STX12: variants seen among roughly 807,000 people sequenced by gnomAD.
The protein encoded by STX12 is syntaxin-12.
A neutral mutation model predicts 42.2 loss-of-function variants in STX12; 17 were observed. The observed-to-expected ratio is 0.40, with a 90% CI of 0.28 to 0.60. The LOEUF is 0.60. Ranked by LOEUF, STX12 falls within the 20% of genes least tolerant of loss-of-function variation. The pLI is 0.39. For synonymous variants in STX12, 108 were observed against 116.7 expected, an observed-to-expected ratio of 0.93 and a Z score of 0.48; for missense variants, 297 against 330.9, an observed-to-expected ratio of 0.90 and a Z score of 0.79.
At chr1:27,806,042 G>A (rs377008255) in intron 4 of STX12, among the ~76,000 whole-genome samples, 4 of 152,222 alleles carry the variant, frequency 2.6e-5, no homozygotes, top group African/African-American at 9.6e-5. Context: ...GGTTCCCTGA[G>A]TTATGCAGCT....
At chr1:27,774,995 TA>T (rs1320064702) in intron 1 of STX12, among the ~76,000 whole-genome samples, 1 of 152,180 alleles carries the variant, frequency 6.6e-6, no homozygotes, top group East Asian at 1.9e-4. Context: ...TGTGGCCTGT[TA>T]AAATCCAGAA....
intron 1 of STX12, among the ~76,000 whole-genome samples, chr1:27,779,337 T>G (rs1419089451): frequency 2.7e-5 from 4 of 147,050 alleles, no homozygotes; most frequent in African/African-American, 1.1e-4. Context: ...GTTTTTGTTT[T>G]TTTTTGTTTT....
At chr1:27,793,235 A>G (rs2088761209) in intron 2 of STX12, among the ~76,000 whole-genome samples, 1 of 152,166 alleles carries the variant, frequency 6.6e-6, no homozygotes, top group African/African-American at 2.4e-5. Flanking sequence ...TTCTTTTTAT[A>G]TTTTTATCAG....
chr1:27,781,201 G>A (rs2088665672), intron 1 of STX12, among the ~76,000 whole-genome samples: 1 of 151,764 alleles, frequency 6.6e-6, no homozygotes, highest in African/African-American at 2.4e-5. Context: ...ATGCCACCAC[G>A]CCCAGCTAAT....
chr1:27,802,589 T>C (rs2088834672), intron 4 of STX12, among the ~76,000 whole-genome samples: 1 of 152,212 alleles, frequency 6.6e-6, no homozygotes, highest in Non-Finnish European at 1.5e-5. Context: ...AAATTCATCC[T>C]ACCTGAATGG....
At chr1:27,792,173 CAT>C (rs1316909527) in intron 2 of STX12, among the ~76,000 whole-genome samples, 12 of 112,028 alleles carry the variant, frequency 1.1e-4, no homozygotes, top group Non-Finnish European at 1.8e-4. Flanking sequence ...TATGTATATA[CAT>C]ATATATGTAT....
At position 27,789,610 on chromosome 1, in the gene STX12, C is replaced by T. The variant is rs1404109321; in HGVS notation, c.167C>T (p.Ser56Leu). The T allele has an allele frequency of 6.2e-7, 1 of 1,613,500 alleles. No individual in the cohort carries two copies. Among genetic ancestry groups the T allele is most frequent in the Admixed American group, 1.7e-5 (1 of 59,964 alleles). ...LMSQLGTKQDSSKLQENLQQL... is the reference protein window; with the variant it reads ...LMSQLGTKQDLSKLQENLQQL... ...AGCCAGCTAGGAACTAAGCAGGACT[C>T]AAGCAAGCTACAGGAAAATCTGTGA... Residue 56 changes from serine (S) to leucine (L), a missense_variant, in exon 2 of 9, where the codon TCA (serine) becomes TTA (leucine). Ser to Leu is a moderately radical substitution (Grantham distance 145). Transcript: ENST00000373943.
At chr1:27,816,591 GGAAGGGAGGGAGGGAGGGATAGAGAGA>G (rs2088943989) in intron 6 of STX12, among the ~76,000 whole-genome samples, 1 of 148,268 alleles carries the variant, frequency 6.7e-6, no homozygotes, top group Admixed American at 6.7e-5. Flanking sequence ...GGATCAGGAA[GGAAGGGAGGGAGGGAGGGATAGAGAGA>G]GAAGGGAGGG....
In STX12 at chr1:27,800,466, C is replaced by T. The variant is rs1256643944; in HGVS notation, c.289-1212C>T. 4.0e-5 allele frequency among the ~76,000 whole-genome samples: 6 copies of T among 150,066 alleles called. No homozygotes were observed. The Admixed American group carries it at 4.0e-4, about 10-fold the overall frequency. Reference sequence around the variant, plus strand: ...AGTTTTTACTTCTGTGTTCATAGAACAGGACAATGCTGTCAGTATGTGGTG... The same window carrying T: ...AGTTTTTACTTCTGTGTTCATAGAATAGGACAATGCTGTCAGTATGTGGTG... On this transcript the variant is annotated intron_variant, in intron 3 of 8. Transcript: ENST00000373943.
intron 6 of STX12, among the ~76,000 whole-genome samples, chr1:27,814,536 A>G (rs1299478344): frequency 6.7e-6 from 1 of 148,480 alleles, no homozygotes; most frequent in East Asian, 1.9e-4. Context: ...TCAAATAATA[A>G]TAATAATCCT....
chr1:27,776,501 G>A (rs531052052), intron 1 of STX12, among the ~76,000 whole-genome samples: 1 of 152,142 alleles, frequency 6.6e-6, no homozygotes, highest in South Asian at 2.1e-4. Context: ...ATTACTTGAG[G>A]CCAGGAGTTT....
At chr1:27,801,871 T>C (rs1008113797) in intron 4 of STX12, 56 bp downstream of exon 4, 76 of 1,541,292 alleles carry the variant, frequency 4.9e-5, no homozygotes, top group Non-Finnish European at 6.5e-5. Context: ...TTTTCCAAGT[T>C]TGTGGGTTTT....
At chr1:27,817,360 A>T (rs2088951110) in intron 6 of STX12, among the ~76,000 whole-genome samples, 1 of 152,098 alleles carries the variant, frequency 6.6e-6, no homozygotes, top group African/African-American at 2.4e-5. Context: ...GAATCCAGCA[A>T]CTCCTCACAC....
chr1:27,806,778 T>G (rs1438438946), intron 4 of STX12, among the ~76,000 whole-genome samples: 1 of 152,130 alleles, frequency 6.6e-6, no homozygotes, highest in African/African-American at 2.4e-5. Context: ...CGTGGCTGGA[T>G]AGGCCTCAGG....
rs57488710 is a variant in STX12, at chr1:27,800,488, GGTGTGTGTGTGTGT to G, written c.289-1159_289-1146del. Reference sequence around the variant, plus strand: ...GAACAGGACAATGCTGTCAGTATGTGGTGTGTGTGTGTGTGTGTGTGTGTGTGTGTGTGTGTGTG... The same window carrying G: ...GAACAGGACAATGCTGTCAGTATGTGGTGTGTGTGTGTGTGTGTGTGTGTG... On this transcript the variant is annotated intron_variant, in intron 3 of 8. Transcript: ENST00000373943. Among the ~76,000 whole-genome samples the G allele has an allele frequency of 9.8e-3, 1,379 of 140,982 alleles. 25 individuals are homozygous for G. The highest frequency in any genetic ancestry group is 0.033 in the African/African-American group (1,254 of 37,756). 92.5% of individuals were successfully genotyped at this position (140,982 alleles called of 152,430 possible).
At chr1:27,806,845 C>A (rs1310877372) in intron 4 of STX12, among the ~76,000 whole-genome samples, 1 of 152,114 alleles carries the variant, frequency 6.6e-6, no homozygotes, top group African/African-American at 2.4e-5. Context: ...TACATGGTGG[C>A]AGGAGAAAGA....
chr1:27,820,875 GGAC>G (rs1292000595), intron 8 of STX12, among the ~76,000 whole-genome samples: 2 of 152,018 alleles, frequency 1.3e-5, no homozygotes, highest in East Asian at 3.9e-4. Context: ...TCCTTTGTAG[GGAC>G]ATGGATGAAA....
intron 5 of STX12, 113 bp from the exon 6 acceptor site, chr1:27,812,050 C>A (rs750235445): frequency 1.2e-6 from 1 of 843,668 alleles, no homozygotes; most frequent in South Asian, 1.4e-5. Context: ...TAGCAGAGGA[C>A]TGGAGCCCTG....
intron 3 of STX12, among the ~76,000 whole-genome samples, chr1:27,801,426 G>A (rs1376200055): frequency 4.0e-5 from 6 of 150,602 alleles, no homozygotes; most frequent in African/African-American, 1.5e-4. Context: ...AAAAAAAAAA[G>A]AAGAAGAAGT....
Sources: allele counts gnomAD v4.1 joint callset (sites outside exome capture counted in the v4.1 genomes callset), GRCh38; gene constraint gnomAD v4.1.1; transcripts MANE v1.5; gene names NCBI Gene and HGNC (gene_info 2026-07-23, HGNC 2026-07-21).